Variants in NPAS1 observed in about 807,000 individuals in gnomAD.
NPAS1 encodes the protein neuronal PAS domain-containing protein 1.
In NPAS1, 29 loss-of-function variants were observed where a neutral mutation model predicts 49.2. The ratio of observed to expected loss-of-function variants is 0.59; its 90% CI spans 0.44 to 0.80. The LOEUF is 0.80. NPAS1 is among the 30% of genes least tolerant of loss of function. NPAS1 has a pLI of 0.00. For synonymous variants in NPAS1, 408 were observed against 380.4 expected (o/e 1.07, Z -0.84); for missense variants, 825 against 835.5 (o/e 0.99, Z 0.15).
rs1419206045 is a variant in NPAS1 at position 47,045,533 on chromosome 19, T to A, written c.1655T>A (p.Val552Glu). 5 of 1,530,644 alleles carry A rather than the reference T, an allele frequency of 3.3e-6. No individual in the cohort carries two copies. Among genetic ancestry groups the A allele is most frequent in the Non-Finnish European group, 4.4e-6 (5 of 1,145,440 alleles). 94.8% of individuals were successfully genotyped at this position (1,530,644 alleles called of 1,614,324 possible). A position where few individuals can be genotyped will look rare whatever the true frequency, so the allele number is the denominator to read the frequency against. The change falls in exon 12 of 12, where the codon GTG (valine) becomes GAG (glutamate). Residue 552 changes from valine to glutamate, a missense_variant. By Grantham distance (121) the Val-to-Glu change is moderately radical. Coordinates refer to ENST00000602212, the MANE Select transcript of NPAS1 (RefSeq NM_002517.4). ...TACGGCCCCGCGGAGCTGGGCCTGG[T>A]GTACCCGCACCTGCAGAGGCTGGGT... Reference protein sequence around the residue: ...IRYGPAELGLVYPHLQRLGPG... With the variant: ...IRYGPAELGLEYPHLQRLGPG...
At chr19:47,042,689 G>C in intron 10 of NPAS1, 121 bp from the exon 11 acceptor site, 1 of 696,918 alleles carries the variant, frequency 1.4e-6, no homozygotes, top group Non-Finnish European at 2.3e-6. Context: ...AGTGCCTCAG[G>C]GTGGGGACTC....
intron 3 of NPAS1, among the ~76,000 whole-genome samples, chr19:47,031,134 C>T (rs2122479982): frequency 6.6e-6 from 1 of 151,748 alleles, no homozygotes; most frequent in Admixed American, 6.6e-5. Flanking sequence ...CTATTTCATT[C>T]TCCATAGCAC....
At chr19:47,034,314 C>CG (rs559742658) in intron 5 of NPAS1, among the ~76,000 whole-genome samples, 14 of 92,698 alleles carry the variant, frequency 1.5e-4, no homozygotes, top group Admixed American at 5.0e-4. Flanking sequence ...AACTCCGTCT[C>CG]AAAAAAAAAA....
chr19:47,044,386 CA>C (rs77699035), intron 11 of NPAS1, among the ~76,000 whole-genome samples: 1 of 151,836 alleles, frequency 6.6e-6, no homozygotes, highest in African/African-American at 2.4e-5. Context: ...CAAAACAAAA[CA>C]AAAAACACTT....
chr19:47,034,746 G>C (rs1453036790), intron 5 of NPAS1, among the ~76,000 whole-genome samples: 1 of 151,830 alleles, frequency 6.6e-6, no homozygotes, highest in Non-Finnish European at 1.5e-5. Context: ...TGTGCTGGCA[G>C]ATGCCTATAG....
rs771089940 is a variant in NPAS1, at chr19:47,037,581, A to G, written c.688+1452A>G. 5.7e-4 allele frequency among the ~76,000 whole-genome samples: 86 copies of G among 151,928 alleles called. 1 individual carries two copies. The highest frequency in any genetic ancestry group is 2.1e-4 in the Non-Finnish European group (14 of 67,986). On this transcript the variant is annotated intron_variant, in intron 6 of 11. Coordinates refer to ENST00000602212, the MANE Select transcript of NPAS1 (RefSeq NM_002517.4). Reference sequence around the variant, plus strand: ...GTGGAAATTTCCACTCCCACTGTGTATGGGAGGGAGGGTGCTGCAGATTAC... The same window carrying G: ...GTGGAAATTTCCACTCCCACTGTGTGTGGGAGGGAGGGTGCTGCAGATTAC...
Position 47,045,167 on chromosome 19 carries a change from G to A in NPAS1, c.1313-24G>A. 3.1e-6 allele frequency: 5 copies of A among 1,607,840 alleles called. No individual in the cohort carries two copies. In the Middle Eastern group the frequency reaches 8.3e-4, roughly 267 times the overall value. On this transcript the variant is annotated intron_variant, in intron 11 of 11. Transcript: ENST00000602212. ...GACTGAGGGCTGGGGACACACACAG[G>A]CCCTCAGCATCTTCCTCTTCCAGAG...
intron 6 of NPAS1, among the ~76,000 whole-genome samples, chr19:47,038,196 G>A (rs554028676): frequency 6.6e-6 from 1 of 152,334 alleles, no homozygotes; most frequent in East Asian, 1.9e-4. Context: ...CAGAGCAGGG[G>A]AGGGTGGAGG....
Position 47,021,969 on chromosome 19 carries a change from T to C in NPAS1, c.358+122T>C. On this transcript the variant is annotated intron_variant, in intron 3 of 11. Transcript: ENST00000602212. This position sits in a 1 kb window ranked among gnomAD's most constrained non-coding sequence, Gnocchi z 5.7. The stretch of plus-strand genomic sequence containing the variant: ...TGTCTCTGGAGTCAGCCAGGACCTT[T>C]GCGTGTCCCTATCAGGTGGCTTCTG... The C allele has an allele frequency of 1.7e-6, 1 of 586,818 alleles. No homozygotes were observed. The highest frequency in any genetic ancestry group is 2.7e-6 in the Non-Finnish European group (1 of 365,664). The allele number at this position is 586,818 out of a possible 1,614,324, so 36.4% of individuals were successfully genotyped here. A position where few individuals can be genotyped will look rare whatever the true frequency, so the allele number is the denominator to read the frequency against.
chr19:47,023,449 T>TG (rs1019488783), intron 3 of NPAS1, among the ~76,000 whole-genome samples: 18 of 151,686 alleles, frequency 1.2e-4, no homozygotes, highest in Admixed American at 9.2e-4. Flanking sequence ...CAGGACAGTG[T>TG]GGGGGGGCTT....
intron 3 of NPAS1, among the ~76,000 whole-genome samples, chr19:47,028,216 A>G (rs1228191258): frequency 2.0e-5 from 3 of 152,098 alleles, no homozygotes; most frequent in Non-Finnish European, 2.9e-5. Flanking sequence ...AATTGCGACA[A>G]TTAGCAGGCA....
intron 9 of NPAS1, 189 bp downstream of exon 9, chr19:47,040,739 G>A (rs566337494): frequency 2.4e-5 from 7 of 289,356 alleles, no homozygotes; most frequent in African/African-American, 1.3e-4. Flanking sequence ...ATGTGTGTGT[G>A]GGGGGGGGGT....
chr19:47,030,010 G>GTTTTGT (rs1282197310), intron 3 of NPAS1, among the ~76,000 whole-genome samples: 1 of 151,902 alleles, frequency 6.6e-6, no homozygotes. Context: ...TTTTTGTTTT[G>GTTTTGT]TTTTGTTTTT....
At chr19:47,034,688 G>A (rs564007381) in intron 5 of NPAS1, among the ~76,000 whole-genome samples, 1 of 150,826 alleles carries the variant, frequency 6.6e-6, no homozygotes, top group South Asian at 2.1e-4. Flanking sequence ...ACCAACCTGG[G>A]CAACATGGCG....
rs776886344 is a variant in NPAS1, at chr19:47,032,268, T to C, written c.359-10T>C. ...CAGACTAACAGGCTTCATCCTTCCA[T>C]CTGCCCCAGCCCCAGGCCGCCGCGG... On this transcript the variant is annotated splice_polypyrimidine_tract_variant and intron_variant, in intron 3 of 11. Coordinates refer to ENST00000602212, the MANE Select transcript of NPAS1 (RefSeq NM_002517.4). The C allele has an allele frequency of 4.3e-6, 7 of 1,613,294 alleles. No homozygotes were observed. The South Asian group carries it at 7.7e-5, about 18-fold the overall frequency.
intron 3 of NPAS1, among the ~76,000 whole-genome samples, chr19:47,027,953 G>C (rs1390935772): frequency 6.6e-6 from 1 of 152,224 alleles, no homozygotes; most frequent in South Asian, 2.1e-4. Context: ...GGGAGGCATC[G>C]GGGAGTTGGT....
In NPAS1 at chr19:47,040,620, C is replaced by T. The variant is rs1599920027; in HGVS notation, c.1069+70C>T. On this transcript the variant is annotated intron_variant, in intron 9 of 11. Transcript: ENST00000602212. ...ACCCGAGCATCCCACTCCCTGGTCC[C>T]TGGAAGTCCTTCTTCAGGGCTGCCC... is the stretch of plus-strand genomic sequence containing the variant. 5.5e-6 allele frequency: 6 copies of T among 1,084,676 alleles called. No individual in the cohort carries two copies. In the East Asian group the frequency reaches 1.3e-4, roughly 24 times the overall value. 67.2% of individuals were successfully genotyped at this position (1,084,676 alleles called of 1,614,324 possible).
At position 47,039,514 on chromosome 19, in the gene NPAS1, G is replaced by A; in HGVS notation, c.912G>A (p.Met304Ile). 6.2e-7 allele frequency: 1 copy of A among 1,609,492 alleles called. No homozygotes were observed. Among genetic ancestry groups the A allele is most frequent in the Non-Finnish European group, 8.5e-7 (1 of 1,177,324 alleles). ...CTGAGCTGCCACTCCATGGACACAT[G>A]ATCGTCTTCCGTCTCAGCCTGGGTC... ...PLAELPLHGHMIVFRLSLGLT... is the reference protein window; with the variant it reads ...PLAELPLHGHIIVFRLSLGLT... Residue 304 changes from methionine to isoleucine, a missense_variant, in exon 8 of 12, where the codon ATG becomes ATA. By Grantham distance (10) the Met-to-Ile change is conservative (BLOSUM62 1). Transcript: ENST00000602212.
intron 3 of NPAS1, among the ~76,000 whole-genome samples, chr19:47,024,698 T>A (rs62136815): frequency 0.17 from 25,693 of 151,940 alleles, 2,451 homozygotes; most frequent in South Asian, 0.39. Flanking sequence ...TCTGCCTCTC[T>A]GGGCCTCAGT....
Sources: gnomAD v4.1 joint callset for allele counts (sites outside exome capture counted in the v4.1 genomes callset) on GRCh38, gnomAD v4.1.1 for gene constraint, Gnocchi (gnomAD v3.1) non-coding constraint, MANE v1.5 for transcripts, NCBI Gene and HGNC (gene_info 2026-07-23, HGNC 2026-07-21) for gene names.